The following RGL1 variants were observed in gnomAD, a reference collection of about 807,000 sequenced individuals.
RGL1 encodes ral guanine nucleotide dissociation stimulator-like 1.
A neutral mutation model predicts 95.2 loss-of-function variants in RGL1; 24 were observed. The observed-to-expected ratio is 0.25, with a 90% CI of 0.18 to 0.35. The LOEUF is 0.35. Ranked by LOEUF, RGL1 falls within the 10% of genes least tolerant of loss-of-function variation. RGL1 has a pLI of 1.00. For missense variants in RGL1, 715 were observed against 936.3 expected (o/e 0.76, Z 3.08); for synonymous variants, 329 against 344.9 (o/e 0.95, Z 0.51).
chr1:183,756,840 G>A (rs1658367021), intron 2 of RGL1, among the ~76,000 whole-genome samples: 1 of 151,662 alleles, frequency 6.6e-6, no homozygotes, highest in South Asian at 2.1e-4. Context: ...CCAAAGCACT[G>A]GTACTACTAG....
intron 2 of RGL1, among the ~76,000 whole-genome samples, chr1:183,745,053 C>G (rs930593680): frequency 6.6e-6 from 1 of 152,060 alleles, no homozygotes; most frequent in Non-Finnish European, 1.5e-5. Flanking sequence ...ATTGACAGAC[C>G]TTTAAATATT....
At chr1:183,776,291 G>A (rs1659596016) in intron 2 of RGL1, among the ~76,000 whole-genome samples, 2 of 151,528 alleles carry the variant, frequency 1.3e-5, no homozygotes, top group East Asian at 3.9e-4. Flanking sequence ...TGGGACTACA[G>A]GCGCCCGCTA....
At chr1:183,692,638 T>G (rs1159413331) in intron 1 of RGL1, among the ~76,000 whole-genome samples, 1 of 152,220 alleles carries the variant, frequency 6.6e-6, no homozygotes, top group Non-Finnish European at 1.5e-5. Context: ...TTTGCTATAA[T>G]TAGTTAAAAC....
intron 5 of RGL1, among the ~76,000 whole-genome samples, chr1:183,882,775 A>T (rs1666897575): frequency 6.6e-6 from 1 of 152,216 alleles, no homozygotes; most frequent in African/African-American, 2.4e-5. Context: ...TTCCCTGGAA[A>T]ATGAAGGAAA....
At chr1:183,829,424 G>A (rs1236564273) in intron 2 of RGL1, among the ~76,000 whole-genome samples, 2 of 146,862 alleles carry the variant, frequency 1.4e-5, no homozygotes, top group Non-Finnish European at 3.0e-5. Context: ...CTAGGCGACA[G>A]AACAAGACCC....
chr1:183,823,130 A>G (rs937998161), intron 2 of RGL1, among the ~76,000 whole-genome samples: 14 of 152,280 alleles, frequency 9.2e-5, no homozygotes, highest in Admixed American at 3.9e-4. Flanking sequence ...GTATGAAATC[A>G]CCAGTTTTAT....
At chr1:183,644,147 G>A (rs1217038465) in intron 1 of RGL1, among the ~76,000 whole-genome samples, 1 of 152,154 alleles carries the variant, frequency 6.6e-6, no homozygotes, top group African/African-American at 2.4e-5. Context: ...TTCAGACTTT[G>A]TAGTGAATCT....
At chr1:183,861,627 T>C (rs967697437) in intron 3 of RGL1, among the ~76,000 whole-genome samples, 10 of 152,232 alleles carry the variant, frequency 6.6e-5, no homozygotes, top group African/African-American at 2.4e-4. Flanking sequence ...GAGAAAACCA[T>C]GTCAAAAGTC....
At chr1:183,831,697 T>A (rs1009175397) in intron 2 of RGL1, among the ~76,000 whole-genome samples, 3 of 152,220 alleles carry the variant, frequency 2.0e-5, no homozygotes, top group African/African-American at 7.2e-5. Flanking sequence ...TATAATAATG[T>A]CACTAGATAG....
chr1:183,828,612 T>C (rs554759986), intron 2 of RGL1, among the ~76,000 whole-genome samples: 4 of 152,354 alleles, frequency 2.6e-5, no homozygotes, highest in East Asian at 3.9e-4. Flanking sequence ...TTGCTTGTCC[T>C]GTTTGAGCCT....
intron 1 of RGL1, among the ~76,000 whole-genome samples, chr1:183,651,663 T>C (rs1182408905): frequency 6.6e-6 from 1 of 152,262 alleles, no homozygotes; most frequent in Non-Finnish European, 1.5e-5. Context: ...GCCTCTGCTG[T>C]GTCATCTTAA....
chr1:183,875,871 CAA>C (rs375478958), intron 4 of RGL1, among the ~76,000 whole-genome samples: 21 of 99,406 alleles, frequency 2.1e-4, no homozygotes, highest in African/African-American at 5.5e-4. Context: ...AGCTCTGTCT[CAA>C]AAAAAAAAAA....
At position 183,880,645 on chromosome 1, in the gene RGL1, T is replaced by C. The variant is rs2102637574; in HGVS notation, c.455T>C (p.Leu152Pro). Reference protein sequence around the residue: ...NAIASILRAWLDQCAEDFREP... With the variant: ...NAIASILRAWPDQCAEDFREP... ...ATCGCTTCCATACTAAGGGCCTGGC[T>C]TGACCAGTGTGCAGAAGACTTCCGA... The change falls in exon 5 of 18, where the codon CTT (leucine) becomes CCT (proline). Residue 152 changes from leucine (L) to proline (P), a missense_variant. Around this residue, in one of 3 missense-constraint regions of RGL1, gnomAD observed 381 missense variants for 484.8 expected, o/e 0.79. Coordinates refer to ENST00000360851, the MANE Select transcript of RGL1 (RefSeq NM_001297671.3). The C allele has an allele frequency of 6.2e-7, 1 of 1,613,902 alleles. No individual in the cohort carries two copies. Among genetic ancestry groups the C allele is most frequent in the Middle Eastern group, 1.7e-4 (1 of 6,040 alleles).
chr1:183,766,377 A>C (rs1443987566), intron 2 of RGL1, among the ~76,000 whole-genome samples: 1 of 152,048 alleles, frequency 6.6e-6, no homozygotes, highest in Non-Finnish European at 1.5e-5. Flanking sequence ...AGTGACTGTC[A>C]CTTAATATGA....
At chr1:183,792,530 T>G (rs533744317) in intron 2 of RGL1, among the ~76,000 whole-genome samples, 1 of 152,196 alleles carries the variant, frequency 6.6e-6, no homozygotes, top group African/African-American at 2.4e-5. Flanking sequence ...GGAAGTCAGA[T>G]TCTCCCTCTT....
intron 1 of RGL1, among the ~76,000 whole-genome samples, chr1:183,736,957 AGAG>A (rs1204723030): frequency 2.6e-5 from 4 of 152,186 alleles, no homozygotes; most frequent in African/African-American, 7.2e-5. Flanking sequence ...AACCATTTAA[AGAG>A]GAGGAGGAGG....
At chr1:183,707,504 G>A (rs1225825463) in intron 1 of RGL1, among the ~76,000 whole-genome samples, 1 of 152,168 alleles carries the variant, frequency 6.6e-6, no homozygotes, top group Non-Finnish European at 1.5e-5. Context: ...GGCCAAAGAT[G>A]GCACCTGAGC....
At position 183,677,332 on chromosome 1, in the gene RGL1, C is replaced by T. The variant is rs1652894369; in HGVS notation, c.-33+40831C>T. On this transcript the variant is annotated intron_variant, in intron 1 of 18. Transcript: ENST00000304685. ...CTTTTTTTTTCTACTGAAGTTTCACCTGAGCCCGCTGCCCATTGCTATACC... is the reference window on the plus strand; with the variant it reads ...CTTTTTTTTTCTACTGAAGTTTCACTTGAGCCCGCTGCCCATTGCTATACC... 2.0e-5 allele frequency among the ~76,000 whole-genome samples: 3 copies of T among 151,500 alleles called. No individual in the cohort carries two copies. In the South Asian group the frequency reaches 6.3e-4, roughly 32 times the overall value.
At chr1:183,923,697 G>A (rs889285799) in intron 17 of RGL1, among the ~76,000 whole-genome samples, 2 of 152,138 alleles carry the variant, frequency 1.3e-5, no homozygotes, top group Non-Finnish European at 2.9e-5. Context: ...ACAAGAAATC[G>A]TGTACCTGAA....
Sources: gnomAD v4.1 joint callset for allele counts (sites outside exome capture counted in the v4.1 genomes callset) on GRCh38, gnomAD v4.1.1 for gene constraint, gnomAD v4.1.1 regional missense constraint, MANE v1.5 for transcripts, NCBI Gene and HGNC (gene_info 2026-07-23, HGNC 2026-07-21) for gene names.